Variants in GSE1 observed in about 807,000 individuals in gnomAD.
GSE1 encodes genetic suppressor element 1.
A neutral mutation model predicts 112.6 loss-of-function variants in GSE1; 32 were observed. The ratio of observed to expected loss-of-function variants is 0.28; its 90% CI spans 0.21 to 0.38. The LOEUF is 0.38. Ranked by LOEUF, GSE1 falls within the 10% of genes least tolerant of loss-of-function variation. The pLI is 1.00. For synonymous variants in GSE1, 1,115 were observed against 735.6 expected (o/e 1.52, Z -8.35); for missense variants, 2,348 against 1,699.2 (o/e 1.38, Z -6.71).
At chr16:85,567,225 G>A (rs998425694) in intron 1 of GSE1, among the ~76,000 whole-genome samples, 2 of 152,138 alleles carry the variant, frequency 1.3e-5, no homozygotes, top group Non-Finnish European at 2.9e-5. Flanking sequence ...TGGTGGGTGG[G>A]TCTGCAGGGG....
At chr16:85,179,873 T>C (rs2074546000) in intron 1 of GSE1, among the ~76,000 whole-genome samples, 1 of 152,228 alleles carries the variant, frequency 6.6e-6, no homozygotes. Context: ...ACAGCAGCCT[T>C]GGGCAAGATG....
intron 1 of GSE1, among the ~76,000 whole-genome samples, chr16:85,261,055 C>T (rs935438085): frequency 2.0e-5 from 3 of 152,222 alleles, no homozygotes; most frequent in African/African-American, 4.8e-5. Context: ...TGGCCTCTCT[C>T]GGGTGCTCTG....
intron 1 of GSE1, among the ~76,000 whole-genome samples, chr16:85,185,952 G>T (rs2074691196): frequency 6.6e-6 from 1 of 152,220 alleles, no homozygotes; most frequent in African/African-American, 2.4e-5. Context: ...CCTGAGCAGG[G>T]TGATGGGTGG....
At chr16:85,669,334 A>T (rs1272980763) in intron 14 of GSE1, among the ~76,000 whole-genome samples, 1 of 152,200 alleles carries the variant, frequency 6.6e-6, no homozygotes, top group Non-Finnish European at 1.5e-5. Flanking sequence ...AGTGTTGTAA[A>T]TATCATCAAA....
Position 85,365,658 on chromosome 16 carries a change from AAAGGTTTGTAGAAGGCG to A in GSE1, c.2464+8040_2464+8056del, listed in dbSNP as rs1474802129. The stretch of plus-strand genomic sequence containing the variant: ...CTGGAAGGTGAAGCTTGTAGAAAGC[AAAGGTTTGTAGAAGGCG>A]AAGGTTTGTAGAAGGCGAAGGTTTA... On this transcript the variant is annotated intron_variant, in intron 2 of 2. Transcript: ENST00000637419. Among the ~76,000 whole-genome samples the A allele has an allele frequency of 1.4e-4, 22 of 152,336 alleles. No homozygotes were observed. In the South Asian group the frequency reaches 3.9e-3, roughly 27 times the overall value.
chr16:85,630,274 C>G (rs950404070), intron 1 of GSE1, among the ~76,000 whole-genome samples: 1 of 152,240 alleles, frequency 6.6e-6, no homozygotes, highest in African/African-American at 2.4e-5. Context: ...AAGTGAGTTG[C>G]TCAGTCTGGC....
chr16:85,462,164 C>T (rs1045769544), intron 2 of GSE1, among the ~76,000 whole-genome samples: 1 of 152,184 alleles, frequency 6.6e-6, no homozygotes, highest in Non-Finnish European at 1.5e-5. Context: ...CTCGGGTCTG[C>T]CCCTCCTTGC....
upstream of GSE1, chr16:85,613,181 T>G: frequency 7.1e-7 from 1 of 1,403,158 alleles, no homozygotes; most frequent in Non-Finnish European, 9.3e-7. Flanking sequence ...AGCGAGCCAG[T>G]GGCCCGGGAG....
chr16:85,343,081 G>C (rs2046658953), intron 1 of GSE1, among the ~76,000 whole-genome samples: 1 of 152,024 alleles, frequency 6.6e-6, no homozygotes, highest in African/African-American at 2.4e-5. Context: ...CTCTCAGGGA[G>C]GAAGGTGCTT....
intron 2 of GSE1, among the ~76,000 whole-genome samples, chr16:85,401,383 G>A (rs1422403792): frequency 1.3e-5 from 2 of 152,136 alleles, no homozygotes; most frequent in African/African-American, 2.4e-5. Flanking sequence ...GGGCACCAGG[G>A]GTGGGGGCAG....
At chr16:85,208,213 C>T (rs893148906) in intron 1 of GSE1, among the ~76,000 whole-genome samples, 15 of 152,208 alleles carry the variant, frequency 9.9e-5, no homozygotes, top group East Asian at 3.8e-4. Context: ...GGTGTCTCAA[C>T]GTTCCTGCTA....
chr16:85,648,923 C>T (rs75451851), intron 3 of GSE1, among the ~76,000 whole-genome samples, 172 bp downstream of exon 3: 2,254 of 152,290 alleles, frequency 0.015, 148 homozygotes, highest in Admixed American at 0.12. Context: ...CGGCACCCTC[C>T]TGGAGGCCCT....
At chr16:85,617,056 G>A (rs559040917) in intron 1 of GSE1, among the ~76,000 whole-genome samples, 14 of 152,116 alleles carry the variant, frequency 9.2e-5, no homozygotes, top group Non-Finnish European at 1.5e-4. Flanking sequence ...CGCCATTCTC[G>A]CCACTCCTGC....
At chr16:85,408,206 A>C (rs372391494) in intron 2 of GSE1, among the ~76,000 whole-genome samples, 121 of 5,198 alleles carry the variant, frequency 0.023, 1 homozygote, top group East Asian at 0.081. Context: ...CCTGGATAAT[A>C]CTCACTGTTA....
chr16:85,389,667 C>T (rs1417886769), intron 2 of GSE1, among the ~76,000 whole-genome samples: 2 of 152,138 alleles, frequency 1.3e-5, no homozygotes, highest in Non-Finnish European at 2.9e-5. Flanking sequence ...GAACCTCCTG[C>T]TCTCACGGCT....
intron 2 of GSE1, among the ~76,000 whole-genome samples, chr16:85,549,829 T>G (rs2044840341): frequency 6.6e-6 from 1 of 152,202 alleles, no homozygotes. Context: ...ACTTCACTTC[T>G]CTGGGCCTCA....
intron 2 of GSE1, among the ~76,000 whole-genome samples, chr16:85,462,661 G>C (rs1173464283): frequency 6.9e-6 from 1 of 144,782 alleles, no homozygotes; most frequent in African/African-American, 2.5e-5. Context: ...GAGGCTGCCC[G>C]GGGAGCGCGG....
At chr16:85,378,439 C>T (rs1191897800) in intron 2 of GSE1, among the ~76,000 whole-genome samples, 1 of 152,132 alleles carries the variant, frequency 6.6e-6, no homozygotes, top group Non-Finnish European at 1.5e-5. Context: ...AGGCAGGAAG[C>T]CTTTCACTTA....
intron 1 of GSE1, among the ~76,000 whole-genome samples, chr16:85,256,953 A>G (rs1161851367): frequency 6.6e-6 from 1 of 152,108 alleles, no homozygotes; most frequent in African/African-American, 2.4e-5. Context: ...ACAGATCTAG[A>G]AGGTTCTTTC....
Sources: gnomAD v4.1 joint callset for allele counts (sites outside exome capture counted in the v4.1 genomes callset) on GRCh38, gnomAD v4.1.1 for gene constraint, MANE v1.5 for transcripts, NCBI Gene and HGNC (gene_info 2026-07-23, HGNC 2026-07-21) for gene names.